Variants in OPCML observed in about 807,000 individuals in gnomAD.
OPCML encodes opioid-binding protein/cell adhesion molecule.
In OPCML, 13 loss-of-function variants were observed where a neutral mutation model predicts 37.8. That is an observed-to-expected ratio of 0.34 (90% CI 0.22 to 0.55). The LOEUF (loss-of-function observed/expected upper bound fraction) is 0.55. Ranked by LOEUF, OPCML falls within the 20% of genes least tolerant of loss-of-function variation. OPCML has a pLI of 0.91. For synonymous variants in OPCML, 176 were observed against 168.8 expected, an observed-to-expected ratio of 1.04 and a Z score of -0.33; for missense variants, 341 against 435.6, an observed-to-expected ratio of 0.78 and a Z score of 1.93.
intron 1 of OPCML, among the ~76,000 whole-genome samples, chr11:133,408,813 T>C (rs1244273657): frequency 1.3e-5 from 2 of 152,312 alleles, no homozygotes; most frequent in Non-Finnish European, 1.5e-5. Flanking sequence ...CTTTTTCTCA[T>C]CATTGTTATA....
chr11:132,570,158 C>G (rs2096433975), intron 3 of OPCML, among the ~76,000 whole-genome samples: 1 of 152,174 alleles, frequency 6.6e-6, no homozygotes, highest in Non-Finnish European at 1.5e-5. Context: ...CCAAATCTGG[C>G]TTTCTTTGCT....
intron 1 of OPCML, among the ~76,000 whole-genome samples, chr11:133,344,141 G>A (rs912497617): frequency 4.6e-5 from 7 of 152,140 alleles, no homozygotes; most frequent in Non-Finnish European, 7.4e-5. Context: ...GGCAATCAGC[G>A]TGCTCCCTCC....
intron 1 of OPCML, among the ~76,000 whole-genome samples, chr11:133,125,013 A>G (rs1949478618): frequency 6.6e-6 from 1 of 152,110 alleles, no homozygotes; most frequent in Non-Finnish European, 1.5e-5. Flanking sequence ...TCATACAAAT[A>G]AGGACAAAAA....
intron 2 of OPCML, among the ~76,000 whole-genome samples, chr11:132,676,786 C>CAAGAAAAAAAAAAAAAAAAA (rs1591711695): frequency 9.0e-6 from 1 of 111,602 alleles, no homozygotes; most frequent in Non-Finnish European, 1.9e-5. Flanking sequence ...AGAAAACAAA[C>CAAGAAAAAAAAAAAAAAAAA]AAGAAAAAAA....
chr11:132,602,508 C>T (rs185352618), intron 3 of OPCML, among the ~76,000 whole-genome samples: 13 of 152,236 alleles, frequency 8.5e-5, no homozygotes, highest in Middle Eastern at 3.4e-3. Context: ...TTCTGAGTCC[C>T]GGAAGGCAAG....
chr11:133,165,486 T>C (rs1950197523), intron 1 of OPCML, among the ~76,000 whole-genome samples: 1 of 152,166 alleles, frequency 6.6e-6, no homozygotes, highest in Admixed American at 6.5e-5. Context: ...TCCTCTGGGT[T>C]TGCAGAGGAA....
chr11:132,488,539 T>C (rs1408458933), intron 4 of OPCML, among the ~76,000 whole-genome samples: 1 of 152,194 alleles, frequency 6.6e-6, no homozygotes, highest in Non-Finnish European at 1.5e-5. Context: ...GTGCTTATCA[T>C]GAATGGAGCT....
chr11:132,530,802 C>T (rs1174370471), intron 3 of OPCML, among the ~76,000 whole-genome samples: 1 of 152,184 alleles, frequency 6.6e-6, no homozygotes, highest in Non-Finnish European at 1.5e-5. Flanking sequence ...ATGGCACACA[C>T]TGGCCCCTTG....
intron 4 of OPCML, among the ~76,000 whole-genome samples, chr11:132,528,682 C>T (rs1337758330): frequency 6.6e-6 from 1 of 152,160 alleles, no homozygotes; most frequent in Non-Finnish European, 1.5e-5. Flanking sequence ...CTCCTGGACG[C>T]ACAATAATGC....
rs781318618 is a variant in OPCML at position 133,224,617 on chromosome 11, C to T, written c.62-281607G>A. On this transcript the variant is annotated intron_variant, in intron 1 of 7. Coordinates refer to ENST00000524381, the MANE Select transcript of OPCML (RefSeq NM_001012393.5). ...TTGTCATTCCAGGCAAGGGCTCACC[C>T]GGGCCAGATGCCTTCCTTCCCCAGG... 7.9e-5 allele frequency among the ~76,000 whole-genome samples: 12 copies of T among 152,228 alleles called. 1 individual carries two copies. The highest frequency in any genetic ancestry group is 6.2e-4 in the South Asian group (3 of 4,830).
chr11:133,227,072 G>A (rs547072504), intron 1 of OPCML, among the ~76,000 whole-genome samples: 8 of 152,234 alleles, frequency 5.3e-5, no homozygotes, highest in South Asian at 2.1e-4. Flanking sequence ...CAAGGAGACC[G>A]TCGTGTTAGG....
At chr11:133,383,985 C>T (rs186777563) in intron 1 of OPCML, among the ~76,000 whole-genome samples, 8 of 152,114 alleles carry the variant, frequency 5.3e-5, no homozygotes, top group African/African-American at 1.7e-4. Flanking sequence ...AGGGACATCC[C>T]GGCAGTGCCC....
chr11:132,662,984 T>A (rs1942049406), intron 2 of OPCML, among the ~76,000 whole-genome samples: 1 of 152,254 alleles, frequency 6.6e-6, no homozygotes. Context: ...TTATGTTTCC[T>A]CCTTTGTTAC....
chr11:132,664,698 C>G (rs1406738515), intron 2 of OPCML, among the ~76,000 whole-genome samples: 1 of 152,154 alleles, frequency 6.6e-6, no homozygotes, highest in Non-Finnish European at 1.5e-5. Flanking sequence ...AAGCTGTTCT[C>G]CCAGGAGGCT....
chr11:132,445,340 G>A (rs548354151), intron 4 of OPCML, among the ~76,000 whole-genome samples: 16 of 152,270 alleles, frequency 1.1e-4, no homozygotes, highest in South Asian at 4.2e-4. Context: ...CTGTCAGACC[G>A]GGAGTAGCCG....
chr11:132,473,896 T>G (rs1049519757), intron 4 of OPCML, among the ~76,000 whole-genome samples: 1 of 152,048 alleles, frequency 6.6e-6, no homozygotes, highest in Non-Finnish European at 1.5e-5. Flanking sequence ...ATGGCACAGA[T>G]GAAAATCCAA....
chr11:132,959,393 T>G (rs1359268738), intron 1 of OPCML, among the ~76,000 whole-genome samples: 15 of 152,202 alleles, frequency 9.9e-5, no homozygotes, highest in Admixed American at 9.8e-4. Flanking sequence ...ATTGTTGAAA[T>G]GACAACAAGG....
At chr11:133,130,792 T>C (rs1182328846) in intron 1 of OPCML, among the ~76,000 whole-genome samples, 2 of 152,036 alleles carry the variant, frequency 1.3e-5, no homozygotes, top group Admixed American at 6.6e-5. Flanking sequence ...CACACAAACA[T>C]AGTCAACTAA....
At chr11:132,798,324 G>A (rs1938454164) in intron 2 of OPCML, among the ~76,000 whole-genome samples, 1 of 152,140 alleles carries the variant, frequency 6.6e-6, no homozygotes, top group South Asian at 2.1e-4. Context: ...ACCCGCCTCA[G>A]CCTCCCAAAG....
Sources: gnomAD v4.1 joint callset for allele counts (sites outside exome capture counted in the v4.1 genomes callset) on GRCh38, gnomAD v4.1.1 for gene constraint, MANE v1.5 for transcripts, NCBI Gene and HGNC (gene_info 2026-07-23, HGNC 2026-07-21) for gene names.